Variants in TGM6 observed in about 807,000 individuals in gnomAD.
The protein encoded by TGM6 is protein-glutamine gamma-glutamyltransferase 6.
TGM6 carries 74 observed loss-of-function variants against 77.5 expected under a neutral mutation model. The observed-to-expected ratio is 0.96, with a 90% confidence interval of 0.79 to 1.16. TGM6 has a LOEUF of 1.16. Among genes scored for constraint, TGM6 ranks in the 50% most tolerant of loss-of-function variants. The pLI is 0.00. For missense variants in TGM6, 968 were observed against 940.2 expected (o/e 1.03, Z -0.39); for synonymous variants, 383 against 378.9 (o/e 1.01, Z -0.12).
chr20:2,403,599 C>T lies in TGM6; in HGVS notation c.1112C>T (p.Pro371Leu), dbSNP rs1486363913. Reference sequence around the variant, plus strand: ...TGCCCAGGTGTGTTCCGGTGCGGCCCAGCCTCAGTCACCGCCATCCGCGAG... The same window carrying T: ...TGCCCAGGTGTGTTCCGGTGCGGCCTAGCCTCAGTCACCGCCATCCGCGAG... ...EESEGVFRCG[P>L]ASVTAIREGD... The change falls in exon 9 of 13, where the codon CCA becomes CTA. Residue 371 changes from proline to leucine, a missense_variant. Transcript: ENST00000202625. 1 of 1,614,136 alleles carries T rather than the reference C, an allele frequency of 6.2e-7. No homozygotes were observed. Among genetic ancestry groups the T allele is most frequent in the Non-Finnish European group, 8.5e-7 (1 of 1,180,028 alleles).
At chr20:2,382,577 T>A (rs1187550858) in intron 1 of TGM6, among the ~76,000 whole-genome samples, 4 of 152,240 alleles carry the variant, frequency 2.6e-5, no homozygotes, top group African/African-American at 9.6e-5. Flanking sequence ...AATGTCAGCA[T>A]TGGAGTTGTC....
At chr20:2,392,181 T>G (rs1328686999) in intron 1 of TGM6, among the ~76,000 whole-genome samples, 1 of 152,154 alleles carries the variant, frequency 6.6e-6, no homozygotes, top group Non-Finnish European at 1.5e-5. Flanking sequence ...TCAGGGCCAG[T>G]GCGTATTTGA....
intron 1 of TGM6, among the ~76,000 whole-genome samples, chr20:2,384,697 T>C (rs1432745609): frequency 6.6e-6 from 1 of 152,200 alleles, no homozygotes; most frequent in African/African-American, 2.4e-5. Context: ...TGTGTGCCTC[T>C]GAAATCAGGC....
intron 9 of TGM6, among the ~76,000 whole-genome samples, chr20:2,411,307 G>A (rs1184309012): frequency 6.6e-6 from 1 of 152,172 alleles, no homozygotes; most frequent in African/African-American, 2.4e-5. Flanking sequence ...CCATGAGCAA[G>A]TGGGATTTAT....
Position 2,400,368 on chromosome 20 carries a change from G to A in TGM6, c.913G>A (p.Asp305Asn), listed in dbSNP as rs748573955. The A allele has an allele frequency of 6.2e-7, 1 of 1,614,100 alleles. No individual in the cohort carries two copies. The highest frequency in any genetic ancestry group is 1.3e-5 in the African/African-American group (1 of 74,954). The change falls in exon 7 of 13, where the codon GAC (aspartate) becomes AAC (asparagine). Residue 305 changes from aspartate (D) to asparagine (N), a missense_variant. Transcript: ENST00000202625. ...CAACTTCAACTCAGCCCACGACACA[G>A]ACCAGAACCTGAGTGTGGACAAATA... ...VSNFNSAHDT[D>N]QNLSVDKYVD... is the part of the protein sequence containing the mutation.
intron 3 of TGM6, among the ~76,000 whole-genome samples, chr20:2,396,285 A>G (rs1389124438): frequency 6.6e-6 from 1 of 152,166 alleles, no homozygotes; most frequent in Non-Finnish European, 1.5e-5. Context: ...GTCAGTTCCC[A>G]TAAAACTCTT....
intron 10 of TGM6, among the ~76,000 whole-genome samples, chr20:2,418,015 G>C (rs190996227): frequency 9.9e-5 from 15 of 152,066 alleles, no homozygotes; most frequent in African/African-American, 3.6e-4. Context: ...CTTTGTTTTG[G>C]TTTTCGGGTT....
chr20:2,414,936 G>T (rs1177348170), intron 9 of TGM6, among the ~76,000 whole-genome samples: 1 of 133,366 alleles, frequency 7.5e-6, no homozygotes, highest in Non-Finnish European at 1.6e-5. Flanking sequence ...ACAGAATTTG[G>T]GGGGGGGGGT....
At chr20:2,408,376 C>T (rs2084765304) in intron 9 of TGM6, among the ~76,000 whole-genome samples, 1 of 152,198 alleles carries the variant, frequency 6.6e-6, no homozygotes, top group African/African-American at 2.4e-5. Context: ...TCACCCCAAA[C>T]TTTTGCCTGG....
intron 9 of TGM6, among the ~76,000 whole-genome samples, chr20:2,413,686 T>A (rs2092632): frequency 0.28 from 42,670 of 151,970 alleles, 8,182 homozygotes; most frequent in African/African-American, 0.54. Flanking sequence ...GAAAAATTTT[T>A]AAAAAAGGGA....
chr20:2,409,414 A>T (rs2084771100), intron 9 of TGM6, among the ~76,000 whole-genome samples: 1 of 152,202 alleles, frequency 6.6e-6, no homozygotes, highest in Non-Finnish European at 1.5e-5. Context: ...CTTCTACCTT[A>T]AGAACCTAGA....
Position 2,394,599 on chromosome 20 carries a change from A to T in TGM6, c.155A>T (p.Glu52Val), listed in dbSNP as rs1449059919. 9 of 1,612,034 alleles carry T rather than the reference A, an allele frequency of 5.6e-6. No individual in the cohort carries two copies. Among genetic ancestry groups the T allele is most frequent in the Middle Eastern group, 1.9e-4 (1 of 5,180 alleles). Residue 52 changes from glutamate (E) to valine (V), a missense_variant, in exon 2 of 13, where the codon GAG (glutamate) becomes GTG (valine). By Grantham distance (121) the Glu-to-Val change is moderately radical (BLOSUM62 -2). Coordinates refer to ENST00000202625, the MANE Select transcript of TGM6 (RefSeq NM_198994.3). The stretch of plus-strand genomic sequence containing the variant: ...CTGAGCAGAGCCCTGGACTGTGAGG[A>T]GATCCTCATCTTCACGATGGAGACA... ...LELSRALDCE[E>V]ILIFTMETGP...
intron 10 of TGM6, among the ~76,000 whole-genome samples, chr20:2,423,757 G>C (rs1439585658): frequency 6.6e-6 from 1 of 152,182 alleles, no homozygotes; most frequent in Non-Finnish European, 1.5e-5. Flanking sequence ...AGATCCATTA[G>C]AGGAATCACT....
intron 9 of TGM6, among the ~76,000 whole-genome samples, chr20:2,406,177 T>A (rs1225980646): frequency 6.6e-6 from 1 of 152,202 alleles, no homozygotes; most frequent in Non-Finnish European, 1.5e-5. Context: ...GGATGGGCTA[T>A]GGATGAGGGG....
intron 9 of TGM6, among the ~76,000 whole-genome samples, chr20:2,405,455 A>G (rs2084743424): frequency 6.6e-6 from 1 of 152,148 alleles, no homozygotes; most frequent in African/African-American, 2.4e-5. Flanking sequence ...GGTGGTCTCT[A>G]GTGTGCAACC....
intron 9 of TGM6, among the ~76,000 whole-genome samples, chr20:2,415,809 G>A (rs999666998): frequency 2.0e-5 from 3 of 152,188 alleles, no homozygotes; most frequent in Non-Finnish European, 4.4e-5. Flanking sequence ...GCACCTGTGA[G>A]ACACCTGGGG....
At chr20:2,424,198 A>C (rs1221584889) in intron 10 of TGM6, among the ~76,000 whole-genome samples, 1 of 152,190 alleles carries the variant, frequency 6.6e-6, no homozygotes, top group Non-Finnish European at 1.5e-5. Context: ...CTCCTTTGAA[A>C]CTTTGAAGCC....
Position 2,432,650 on chromosome 20 carries a change from A to C in TGM6, c.*7A>C. 2 of 1,614,052 alleles carry C rather than the reference A, an allele frequency of 1.2e-6. No homozygotes were observed. Among genetic ancestry groups the C allele is most frequent in the Non-Finnish European group, 1.7e-6 (2 of 1,179,978 alleles). On this transcript the variant is annotated 3_prime_UTR_variant, in exon 13 of 13. Transcript: ENST00000202625. ...TGTGGCCACTGCCAAGTGATGGATCATGAGGGACTGAGAGGGGTGGATTTG... is the reference window on the plus strand; with the variant it reads ...TGTGGCCACTGCCAAGTGATGGATCCTGAGGGACTGAGAGGGGTGGATTTG...
At chr20:2,416,825 T>C (rs913470764) in intron 9 of TGM6, among the ~76,000 whole-genome samples, 4 of 152,202 alleles carry the variant, frequency 2.6e-5, no homozygotes, top group African/African-American at 9.7e-5. Context: ...AAGTCCCAGC[T>C]CCCTCACTTA....
Sources: allele counts gnomAD v4.1 joint callset (sites outside exome capture counted in the v4.1 genomes callset), GRCh38; gene constraint gnomAD v4.1.1; transcripts MANE v1.5; gene names NCBI Gene and HGNC (gene_info 2026-07-23, HGNC 2026-07-21).